USP30: variants seen among roughly 807,000 people sequenced by gnomAD.
The protein encoded by USP30 is ubiquitin carboxyl-terminal hydrolase 30.
In USP30, 41 loss-of-function variants were observed where a neutral mutation model predicts 68.2. The ratio of observed to expected loss-of-function variants is 0.60; its 90% CI spans 0.47 to 0.78. USP30 has a LOEUF of 0.78. USP30 is among the 30% of genes least tolerant of loss of function. The probability of loss-of-function intolerance (pLI) is 0.00; values close to 1 mark genes in which losing one functional copy is unlikely to be tolerated. For synonymous variants in USP30, 229 were observed against 253.7 expected, an observed-to-expected ratio of 0.90 and a Z score of 0.93; for missense variants, 522 against 649.4, an observed-to-expected ratio of 0.80 and a Z score of 2.13.
At position 109,071,647 on chromosome 12, in the gene USP30, A is replaced by T; in HGVS notation, c.516A>T (p.Ser172=). The change falls in exon 5 of 13, where the codon TCA becomes TCT. Residue 172 remains serine (S), a synonymous_variant. Coordinates refer to ENST00000257548, the MANE Select transcript of USP30 (RefSeq NM_032663.5). ...AATTATTCCATGTCATTACCTCGTC[A>T]TTGGAAGATGAGCGAGACCGCCAGC... ...AHELFHVITS[S]LEDERDRQPR... 1.2e-6 allele frequency: 2 copies of T among 1,614,194 alleles called. No homozygotes were observed. The highest frequency in any genetic ancestry group is 1.3e-5 in the African/African-American group (1 of 75,054).
At chr12:109,062,757 GTTGAGTAGATTAAGTACAGCCACACT>G (rs1226584297) in intron 3 of USP30, among the ~76,000 whole-genome samples, 2 of 152,094 alleles carry the variant, frequency 1.3e-5, no homozygotes, top group African/African-American at 2.4e-5. Flanking sequence ...TCAGCATATA[GTTGAGTAGATTAAGTACAGCCACACT>G]GTTGTGCAGC....
In USP30 at chr12:109,073,562, C is replaced by T. The variant is rs143588438; in HGVS notation, c.720+30C>T. 2.0e-5 allele frequency: 31 copies of T among 1,578,662 alleles called. No individual in the cohort carries two copies. In the African/African-American group the frequency reaches 2.7e-4, roughly 14 times the overall value. On this transcript the variant is annotated intron_variant, in intron 7 of 12. Coordinates refer to ENST00000257548, the MANE Select transcript of USP30 (RefSeq NM_032663.5). The stretch of plus-strand genomic sequence containing the variant: ...ATACAATACCAACACTTGATATTTC[C>T]GGGAGAGGTTTTCCAAAAGTTAGGA...
In USP30 at chr12:109,087,062, T is replaced by C. The variant is rs148655015; in HGVS notation, c.*1131T>C. The C allele has an allele frequency of 1.2e-4, 18 of 152,232 alleles. No homozygotes were observed. Among genetic ancestry groups the C allele is most frequent in the East Asian group, 9.6e-4 (5 of 5,190 alleles). The allele number at this position is 152,232 out of a possible 1,614,324, so 9.4% of individuals were successfully genotyped here. A position where few individuals can be genotyped will look rare whatever the true frequency, so the allele number is the denominator to read the frequency against. ...GTATTGTCATGTTGCTCTAGGTCCA[T>C]ATTCTGAATTTATTCATTTCCAATA... On this transcript the variant is annotated 3_prime_UTR_variant, in exon 13 of 13. Transcript: ENST00000257548.
intron 1 of USP30, among the ~76,000 whole-genome samples, chr12:109,055,015 TACACAC>T: frequency 6.6e-6 from 1 of 151,304 alleles, no homozygotes; most frequent in East Asian, 1.9e-4. Context: ...AATAATGTAT[TACACAC>T]ACACACACAC....
At chr12:109,026,933 T>C (rs2135649483) in intron 2 of USP30, among the ~76,000 whole-genome samples, 2 of 152,320 alleles carry the variant, frequency 1.3e-5, no homozygotes, top group Middle Eastern at 3.4e-3. Flanking sequence ...AAGCAAGCTC[T>C]CTGGCATATT....
chr12:109,050,100 C>T (rs991240461), upstream of USP30, among the ~76,000 whole-genome samples: 7 of 152,270 alleles, frequency 4.6e-5, no homozygotes, highest in South Asian at 2.1e-4. Flanking sequence ...TCAAGAGCAG[C>T]CTGGCCAATA....
chr12:109,067,639 A>C lies in USP30; in HGVS notation c.480+12A>C. The stretch of plus-strand genomic sequence containing the variant: ...CATTTGAAGAACAGGTGAGTACAAC[A>C]TTTGAACAGGTTTAGCTTGGAGAAT... On this transcript the variant is annotated intron_variant, in intron 4 of 12. Coordinates refer to ENST00000257548, the MANE Select transcript of USP30 (RefSeq NM_032663.5). 6.2e-7 allele frequency: 1 copy of C among 1,611,626 alleles called. No individual in the cohort carries two copies. The highest frequency in any genetic ancestry group is 8.5e-7 in the Non-Finnish European group (1 of 1,177,820).
intron 3 of USP30, among the ~76,000 whole-genome samples, chr12:109,031,030 G>T (rs2040477015): frequency 6.6e-6 from 1 of 152,000 alleles, no homozygotes. Flanking sequence ...AGAACCTTCT[G>T]TTCTGTCTTT....
intron 2 of USP30, among the ~76,000 whole-genome samples, chr12:109,026,204 T>C (rs1321756819): frequency 1.3e-5 from 2 of 152,036 alleles, no homozygotes; most frequent in Non-Finnish European, 2.9e-5. Flanking sequence ...GCCTCCTGAG[T>C]AGCTGGGACT....
intron 3 of USP30, among the ~76,000 whole-genome samples, chr12:109,031,586 G>A (rs1373890894): frequency 6.6e-6 from 1 of 152,188 alleles, no homozygotes; most frequent in African/African-American, 2.4e-5. Flanking sequence ...TAGCCAAACA[G>A]TGGAAGCAAC....
chr12:109,052,757 G>A lies in USP30; in HGVS notation c.79G>A (p.Val27Ile). The A allele has an allele frequency of 1.4e-6, 2 of 1,451,948 alleles. No individual in the cohort carries two copies. Among genetic ancestry groups the A allele is most frequent in the Admixed American group, 2.7e-5 (1 of 36,628 alleles). 89.9% of individuals were successfully genotyped at this position (1,451,948 alleles called of 1,614,324 possible). Residue 27 changes from valine to isoleucine, a missense_variant, in exon 1 of 13, where the codon GTC becomes ATC. Transcript: ENST00000257548. Reference protein sequence around the residue: ...IQRFLRTGAAVRYKVMKNWGV... With the variant: ...IQRFLRTGAAIRYKVMKNWGV... ...GCGCTTCCTGCGGACCGGGGCGGCC[G>A]TCAGGTGAGATTTTGGGGGGCGGGG...
chr12:109,083,017 G>A lies in USP30; in HGVS notation c.1123G>A (p.Gly375Arg). 1 of 1,613,938 alleles carries A rather than the reference G, an allele frequency of 6.2e-7. No homozygotes were observed. The change falls in exon 11 of 13, where the codon GGG becomes AGG. Residue 375 changes from glycine (G) to arginine (R), a missense_variant. By Grantham distance (125) the Gly-to-Arg change is moderately radical (BLOSUM62 -2). Coordinates refer to ENST00000257548, the MANE Select transcript of USP30 (RefSeq NM_032663.5). ...CAACCCTAAACTGAACAAGAACCCA[G>A]GGCCTACACTGGAGCTGCAGGATGG... The part of the protein sequence containing the change: ...QHNPKLNKNP[G>R]PTLELQDGPG...
chr12:109,070,752 C>T lies in USP30; in HGVS notation c.481-860C>T, dbSNP rs1344478555. Among the ~76,000 whole-genome samples the T allele has an allele frequency of 6.6e-6, 1 of 152,032 alleles. No homozygotes were observed. Among genetic ancestry groups the T allele is most frequent in the Non-Finnish European group, 1.5e-5 (1 of 68,000 alleles). ...TTTGAGTTGATCCTTCAAGAGTAGT[C>T]CCATGCCATTGGATCCAGCAACCCC... On this transcript the variant is annotated intron_variant, in intron 4 of 12. Coordinates refer to ENST00000257548, the MANE Select transcript of USP30 (RefSeq NM_032663.5). This position sits in a 1 kb window ranked among gnomAD's most constrained non-coding sequence, Gnocchi z 4.0.
intron 3 of USP30, among the ~76,000 whole-genome samples, chr12:109,065,602 T>C (rs1299274586): frequency 6.6e-6 from 1 of 152,206 alleles, no homozygotes; most frequent in Admixed American, 6.5e-5. Flanking sequence ...ATGGCTAACA[T>C]ACAGATGTAA....
intron 3 of USP30, among the ~76,000 whole-genome samples, chr12:109,031,906 C>T (rs2040484631): frequency 6.6e-6 from 1 of 151,926 alleles, no homozygotes; most frequent in African/African-American, 2.4e-5. Flanking sequence ...GAGTTCGAGA[C>T]CAGCCCTGAC....
intron 1 of USP30, among the ~76,000 whole-genome samples, chr12:109,055,400 A>ATATATATTTTTTTTT (rs1298811530): frequency 1.3e-3 from 32 of 24,472 alleles, no homozygotes; most frequent in African/African-American, 3.5e-3. Context: ...ATATATATAT[A>ATATATATTTTTTTTT]TTTTTTTTTT....
At chr12:109,056,288 A>C (rs2040875602) in intron 1 of USP30, among the ~76,000 whole-genome samples, 1 of 151,984 alleles carries the variant, frequency 6.6e-6, no homozygotes, top group African/African-American at 2.4e-5. Context: ...TGCCTCCCAG[A>C]TTCAAGTGAT....
chr12:109,064,509 G>C (rs1357924814), intron 3 of USP30, among the ~76,000 whole-genome samples: 1 of 152,010 alleles, frequency 6.6e-6, no homozygotes, highest in Non-Finnish European at 1.5e-5. Context: ...TTGAACTCCT[G>C]ACCTGAAGTG....
chr12:109,087,755 C>T lies in USP30; in HGVS notation c.*1824C>T, dbSNP rs1396300498. On this transcript the variant is annotated 3_prime_UTR_variant, in exon 13 of 13. Coordinates refer to ENST00000257548, the MANE Select transcript of USP30 (RefSeq NM_032663.5). ...AGCAGATCTTTCTTTGGTCAGAGAC[C>T]AGGGTTTGAGCCAAGGCTGTAAATG... 1 of 153,744 alleles carries T rather than the reference C, an allele frequency of 6.5e-6. No individual in the cohort carries two copies. Among genetic ancestry groups the T allele is most frequent in the East Asian group, 1.9e-4 (1 of 5,222 alleles). The allele number at this position is 153,744 out of a possible 1,614,324, so 9.5% of individuals were successfully genotyped here.
Sources: gnomAD v4.1 joint callset for allele counts (sites outside exome capture counted in the v4.1 genomes callset) on GRCh38, gnomAD v4.1.1 for gene constraint, Gnocchi (gnomAD v3.1) non-coding constraint, MANE v1.5 for transcripts, NCBI Gene and HGNC (gene_info 2026-07-23, HGNC 2026-07-21) for gene names.